EXOC4: variants seen among roughly 807,000 people sequenced by gnomAD.
EXOC4 encodes exocyst complex component 4, also known as SEC8-like 1.
A neutral mutation model predicts 107.2 loss-of-function variants in EXOC4; 71 were observed. That is an observed-to-expected ratio of 0.66 (90% CI 0.55 to 0.81). The LOEUF is 0.81. Ranked by LOEUF, EXOC4 falls within the 30% of genes least tolerant of loss-of-function variation. EXOC4 has a pLI of 0.00. For missense variants in EXOC4, 1,108 were observed against 1,189.6 expected, an observed-to-expected ratio of 0.93 and a Z score of 1.01; for synonymous variants, 456 against 441.2, an observed-to-expected ratio of 1.03 and a Z score of -0.42.
At chr7:133,732,873 A>G (rs745970549) in intron 10 of EXOC4, 44 of 163,400 alleles carry the variant, frequency 2.7e-4, no homozygotes, top group Non-Finnish European at 5.1e-4. Context: ...CCAACACAGA[A>G]CAGATGAAGC....
At chr7:133,451,670 C>T (rs531140185) in intron 7 of EXOC4, among the ~76,000 whole-genome samples, 4 of 152,232 alleles carry the variant, frequency 2.6e-5, no homozygotes, top group South Asian at 4.2e-4. Context: ...AAGAGTTACA[C>T]GGACTTATTT....
Position 133,704,099 on chromosome 7 carries a change from A to G in EXOC4, c.1514+73958A>G, listed in dbSNP as rs193248500. 2.0e-3 allele frequency among the ~76,000 whole-genome samples: 301 copies of G among 152,208 alleles called. 2 individuals carry two copies. Among genetic ancestry groups the G allele is most frequent in the African/African-American group, 6.8e-3 (283 of 41,534 alleles). On this transcript the variant is annotated intron_variant, in intron 10 of 17. Transcript: ENST00000253861. ...ACACTGATCAATCCACTCTTTCAACACCTAAGATTTTAAAAGGAATAAATT... is the reference window on the plus strand; with the variant it reads ...ACACTGATCAATCCACTCTTTCAACGCCTAAGATTTTAAAAGGAATAAATT...
At chr7:134,024,305 G>C (rs1795088325) in intron 17 of EXOC4, among the ~76,000 whole-genome samples, 3 of 152,072 alleles carry the variant, frequency 2.0e-5, no homozygotes, top group Admixed American at 6.5e-5. Flanking sequence ...CAAAAAATTA[G>C]CTGGGTGTGG....
chr7:134,052,910 A>G (rs1795830891), intron 17 of EXOC4, among the ~76,000 whole-genome samples: 1 of 152,312 alleles, frequency 6.6e-6, no homozygotes, highest in East Asian at 1.9e-4. Context: ...CCGGAGTTAC[A>G]TCAGAATAAC....
At chr7:133,695,360 A>T (rs1794511534) in intron 10 of EXOC4, among the ~76,000 whole-genome samples, 1 of 152,060 alleles carries the variant, frequency 6.6e-6, no homozygotes, top group East Asian at 1.9e-4. Context: ...TAGTTTCTTT[A>T]TCCATTTATC....
intron 1 of EXOC4, among the ~76,000 whole-genome samples, chr7:133,255,490 TA>T (rs1794996423): frequency 6.6e-6 from 1 of 152,176 alleles, no homozygotes; most frequent in Non-Finnish European, 1.5e-5. Flanking sequence ...TTTTCTACTT[TA>T]TCCTTGACCA....
chr7:133,898,464 G>A (rs1191794961), intron 12 of EXOC4, among the ~76,000 whole-genome samples: 1 of 152,006 alleles, frequency 6.6e-6, no homozygotes, highest in Admixed American at 6.6e-5. Flanking sequence ...TTAAAACTTA[G>A]GCCCGATGCA....
intron 7 of EXOC4, among the ~76,000 whole-genome samples, chr7:133,466,375 A>C (rs968362911): frequency 6.6e-6 from 1 of 152,240 alleles, no homozygotes; most frequent in East Asian, 1.9e-4. Flanking sequence ...AAAATCAGGA[A>C]ATGAAAGAGG....
intron 7 of EXOC4, among the ~76,000 whole-genome samples, chr7:133,433,264 C>G (rs142243347): frequency 7.9e-5 from 12 of 152,338 alleles, no homozygotes; most frequent in Admixed American, 4.6e-4. Context: ...AATAGCCCCC[C>G]ACCCAACCTA....
At chr7:134,041,198 A>G (rs1324880456) in intron 17 of EXOC4, among the ~76,000 whole-genome samples, 1 of 152,284 alleles carries the variant, frequency 6.6e-6, no homozygotes, top group East Asian at 1.9e-4. Context: ...AGCAAAATAT[A>G]TATATCATCT....
intron 9 of EXOC4, among the ~76,000 whole-genome samples, chr7:133,561,991 G>A (rs528082086): frequency 3.9e-5 from 6 of 152,150 alleles, no homozygotes; most frequent in Non-Finnish European, 8.8e-5. Flanking sequence ...TAATATTAGT[G>A]TTTTTGTCTT....
chr7:133,344,679 G>T (rs1795744770), intron 5 of EXOC4, among the ~76,000 whole-genome samples: 1 of 152,118 alleles, frequency 6.6e-6, no homozygotes, highest in Admixed American at 6.5e-5. Flanking sequence ...TCAAGATTGT[G>T]TCTGCTTTTA....
intron 7 of EXOC4, among the ~76,000 whole-genome samples, chr7:133,402,187 A>C (rs1379412164): frequency 6.6e-6 from 1 of 152,218 alleles, no homozygotes; most frequent in East Asian, 1.9e-4. Context: ...TAGTTTGCCT[A>C]AGTATTCAGG....
intron 10 of EXOC4, among the ~76,000 whole-genome samples, chr7:133,636,520 A>G (rs1274100665): frequency 1.3e-5 from 2 of 152,222 alleles, no homozygotes; most frequent in African/African-American, 4.8e-5. Context: ...GGTAATGAAC[A>G]CTTGGCATGC....
chr7:133,910,950 C>T (rs983117827), intron 12 of EXOC4, among the ~76,000 whole-genome samples: 1 of 152,178 alleles, frequency 6.6e-6, no homozygotes, highest in Non-Finnish European at 1.5e-5. Flanking sequence ...CATGCACACT[C>T]GCACTTCCCA....
intron 7 of EXOC4, among the ~76,000 whole-genome samples, chr7:133,417,148 G>A (rs561150863): frequency 2.0e-5 from 3 of 152,120 alleles, no homozygotes; most frequent in Non-Finnish European, 4.4e-5. Flanking sequence ...AAGATTTGGT[G>A]GCGACATGGC....
At chr7:133,353,993 TG>T in intron 5 of EXOC4, among the ~76,000 whole-genome samples, 1 of 152,082 alleles carries the variant, frequency 6.6e-6, no homozygotes, top group Non-Finnish European at 1.5e-5. Context: ...ATCTCTTTAT[TG>T]ATATTGCCAG....
In EXOC4 at chr7:133,517,203, G is replaced by A. The variant is rs190853299; in HGVS notation, c.1417+37065G>A. ...TGGGAGGGAGTGTGATTAATAGAAA[G>A]TGTAGGGTTGGGAAGGAGGATTAGT... is the stretch of plus-strand genomic sequence containing the variant. On this transcript the variant is annotated intron_variant, in intron 9 of 17. Coordinates refer to ENST00000253861, the MANE Select transcript of EXOC4 (RefSeq NM_021807.4). Among the ~76,000 whole-genome samples, 6 of 152,192 alleles carry A rather than the reference G, an allele frequency of 3.9e-5. No individual in the cohort carries two copies. In the East Asian group the frequency reaches 1.2e-3, roughly 29 times the overall value.
chr7:134,044,848 A>G (rs1795609874), intron 17 of EXOC4, among the ~76,000 whole-genome samples: 1 of 152,222 alleles, frequency 6.6e-6, no homozygotes, highest in Non-Finnish European at 1.5e-5. Context: ...TGATGAGTCA[A>G]CATTTTTGTC....
Sources: allele counts gnomAD v4.1 joint callset (sites outside exome capture counted in the v4.1 genomes callset), GRCh38; gene constraint gnomAD v4.1.1; transcripts MANE v1.5; gene names NCBI Gene and HGNC (gene_info 2026-07-23, HGNC 2026-07-21).